EFCAB6: variants seen among roughly 807,000 people sequenced by gnomAD.
The protein encoded by EFCAB6 is EF-hand calcium-binding domain-containing protein 6.
In EFCAB6, 156 loss-of-function variants were observed where a neutral mutation model predicts 169.8. That is an observed-to-expected ratio of 0.92 (90% confidence interval 0.81 to 1.05). The LOEUF (loss-of-function observed/expected upper bound fraction) is 1.05, where lower values mean the gene tolerates loss of function less well. Among genes scored for constraint, EFCAB6 ranks in the 50% least tolerant of loss-of-function variants. The pLI is 0.00. For synonymous variants in EFCAB6, 698 were observed against 676.4 expected (o/e 1.03, Z -0.50); for missense variants, 1,800 against 1,829.1 (o/e 0.98, Z 0.29).
At chr22:43,665,021 G>C (rs931579077) in intron 17 of EFCAB6, among the ~76,000 whole-genome samples, 35 of 152,164 alleles carry the variant, frequency 2.3e-4, no homozygotes, top group African/African-American at 8.2e-4. Flanking sequence ...CTTTGTTGGT[G>C]AATTGGATGT....
At position 43,580,430 on chromosome 22, in the gene EFCAB6, G is replaced by A. The variant is rs528522842; in HGVS notation, c.3228+34C>T. 2.1e-5 allele frequency: 33 copies of A among 1,606,874 alleles called. 1 individual carries two copies. Among genetic ancestry groups the A allele is most frequent in the South Asian group, 1.8e-4 (16 of 90,124 alleles). On this transcript the variant is annotated intron_variant, in intron 25 of 31. Transcript: ENST00000262726. ...GAGGTGTTTTCATGAATCAAGATGAGTTTTCACAGTAAAGCACTTTCAGCC... is the reference window on the plus strand; with the variant it reads ...GAGGTGTTTTCATGAATCAAGATGAATTTTCACAGTAAAGCACTTTCAGCC...
intron 5 of EFCAB6, among the ~76,000 whole-genome samples, chr22:43,764,209 T>C (rs1316783451): frequency 6.6e-6 from 1 of 152,086 alleles, no homozygotes; most frequent in Non-Finnish European, 1.5e-5. Flanking sequence ...CCCCCATCCC[T>C]TCCCCCTCTA....
intron 26 of EFCAB6, among the ~76,000 whole-genome samples, chr22:43,565,652 T>G (rs62226968): frequency 6.6e-6 from 1 of 152,180 alleles, no homozygotes; most frequent in Non-Finnish European, 1.5e-5. Flanking sequence ...AATGTAATTA[T>G]GAAGTTTATA....
At chr22:43,685,130 T>C (rs2058142810) in intron 11 of EFCAB6, among the ~76,000 whole-genome samples, 1 of 152,246 alleles carries the variant, frequency 6.6e-6, no homozygotes, top group Non-Finnish European at 1.5e-5. Context: ...TAGGTGGAAC[T>C]ACAACCTTGC....
Position 43,537,443 on chromosome 22 carries a change from G to C in EFCAB6, c.3982C>G (p.Leu1328Val), listed in dbSNP as rs1490334086. The change falls in exon 29 of 32, where the codon CTC (leucine) becomes GTC (valine). Residue 1328 changes from leucine (L) to valine (V), a missense_variant. Leu to Val is a conservative substitution (Grantham distance 32, BLOSUM62 1). Coordinates refer to ENST00000262726, the MANE Select transcript of EFCAB6 (RefSeq NM_022785.4). The surrounding 1 kb of genome is among the most constrained non-coding windows in gnomAD (Gnocchi z 4.3). ...RKRIQGCWRQ[L>V]LKECKEKDVA... is the part of the protein sequence containing the mutation. The stretch of plus-strand genomic sequence containing the variant: ...TCCTTCTCCTTGCATTCTTTCAGGA[G>C]CTGGCGCCAGCAGCCCTGGATTCTC... 1.2e-6 allele frequency: 2 copies of C among 1,614,028 alleles called. No individual in the cohort carries two copies. The highest frequency in any genetic ancestry group is 4.5e-5 in the East Asian group (2 of 44,888).
chr22:43,671,280 C>T (rs1347727981), intron 15 of EFCAB6, among the ~76,000 whole-genome samples: 2 of 152,188 alleles, frequency 1.3e-5, no homozygotes, highest in Non-Finnish European at 2.9e-5. Flanking sequence ...CGGCTCACTG[C>T]AACCTCCGCC....
intron 8 of EFCAB6, among the ~76,000 whole-genome samples, chr22:43,718,343 T>C (rs1046844241): frequency 2.6e-5 from 4 of 152,220 alleles, no homozygotes; most frequent in Admixed American, 1.3e-4. Context: ...GCAAATACGC[T>C]TCAGCCAAAT....
At chr22:43,575,032 C>G (rs147298228) in intron 26 of EFCAB6, among the ~76,000 whole-genome samples, 156 of 152,208 alleles carry the variant, frequency 1.0e-3, no homozygotes, top group African/African-American at 3.6e-3. Flanking sequence ...TGTGTGCACA[C>G]AAGGAGACAA....
intron 8 of EFCAB6, among the ~76,000 whole-genome samples, chr22:43,731,210 G>T (rs546779240): frequency 6.6e-6 from 1 of 152,104 alleles, no homozygotes; most frequent in Admixed American, 6.5e-5. Flanking sequence ...GAGGAAACAC[G>T]TTCTGTCTCA....
chr22:43,590,368 C>T, intron 23 of EFCAB6, 139 bp from the exon 24 acceptor site: 1 of 857,622 alleles, frequency 1.2e-6, no homozygotes, highest in Non-Finnish European at 1.7e-6. Flanking sequence ...TTTACAGCCT[C>T]AGTGTAATAC....
At chr22:43,720,813 C>T (rs537275594) in intron 8 of EFCAB6, among the ~76,000 whole-genome samples, 1 of 152,000 alleles carries the variant, frequency 6.6e-6, no homozygotes, top group African/African-American at 2.4e-5. Context: ...GAAAACCAAA[C>T]AATGGAATGG....
intron 10 of EFCAB6, among the ~76,000 whole-genome samples, chr22:43,702,551 A>G (rs2058805545): frequency 6.6e-6 from 1 of 152,224 alleles, no homozygotes; most frequent in South Asian, 2.1e-4. Context: ...GAGGGAAAAG[A>G]GAGCTGGAGG....
chr22:43,663,613 G>C (rs1240376773), intron 17 of EFCAB6, among the ~76,000 whole-genome samples: 1 of 152,184 alleles, frequency 6.6e-6, no homozygotes, highest in African/African-American at 2.4e-5. Context: ...GTGCAAACTG[G>C]ACTAACTGTG....
At chr22:43,635,811 G>C (rs1259095374) in intron 17 of EFCAB6, among the ~76,000 whole-genome samples, 1 of 152,074 alleles carries the variant, frequency 6.6e-6, no homozygotes, top group East Asian at 1.9e-4. Flanking sequence ...GGTATGTTGG[G>C]GGCAGAGGGA....
At chr22:43,639,273 T>C (rs1029867617) in intron 17 of EFCAB6, among the ~76,000 whole-genome samples, 1 of 152,218 alleles carries the variant, frequency 6.6e-6, no homozygotes, top group Admixed American at 6.5e-5. Flanking sequence ...TCAAATTCCT[T>C]CATCCTGAGA....
intron 12 of EFCAB6, among the ~76,000 whole-genome samples, chr22:43,681,949 T>C (rs902803193): frequency 6.6e-6 from 1 of 152,322 alleles, no homozygotes; most frequent in South Asian, 2.1e-4. Context: ...AGGCAGCACA[T>C]ATAGCAAATG....
chr22:43,587,130 A>G (rs192472218), intron 24 of EFCAB6, among the ~76,000 whole-genome samples: 1 of 152,182 alleles, frequency 6.6e-6, no homozygotes, highest in East Asian at 1.9e-4. Context: ...AGGGTTGATT[A>G]AAAGACTGGG....
chr22:43,607,023 T>A lies in EFCAB6; in HGVS notation c.2681+1459A>T, dbSNP rs2052970565. Reference sequence around the variant, plus strand: ...AGGGCCAGCACCCCCAGCCATCCTGTCCCCTGAACTGACTCACCTTCCTAA... The same window carrying A: ...AGGGCCAGCACCCCCAGCCATCCTGACCCCTGAACTGACTCACCTTCCTAA... On this transcript the variant is annotated intron_variant, in intron 22 of 31. Coordinates refer to ENST00000262726, the MANE Select transcript of EFCAB6 (RefSeq NM_022785.4). Among the ~76,000 whole-genome samples, 4 of 152,196 alleles carry A rather than the reference T, an allele frequency of 2.6e-5. No homozygotes were observed. In the Middle Eastern group the frequency reaches 0.014, roughly 518 times the overall value.
rs114552996 is a variant in EFCAB6, at chr22:43,580,534, G to A, written c.3158C>T (p.Thr1053Met). ...KEESMPINFA[T>M]LNPQEAVRKI... The stretch of plus-strand genomic sequence containing the variant: ...CCTCACAGCCTCCTGTGGATTCAGC[G>A]TTGCAAAATTGATTGGCATGCTCTC... The change falls in exon 25 of 32, where the codon ACG becomes ATG. Residue 1053 changes from threonine to methionine, a missense_variant. Transcript: ENST00000262726. 1,946 of 1,614,088 alleles carry A rather than the reference G, an allele frequency of 1.2e-3. 17 individuals are homozygous for A. In the African/African-American group the frequency reaches 0.023, roughly 19 times the overall value.
Sources: allele counts gnomAD v4.1 joint callset (sites outside exome capture counted in the v4.1 genomes callset), GRCh38; gene constraint gnomAD v4.1.1; non-coding constraint Gnocchi (gnomAD v3.1); transcripts MANE v1.5; gene names NCBI Gene and HGNC (gene_info 2026-07-23, HGNC 2026-07-21).